Variants in KSR1 observed in about 807,000 individuals in gnomAD.
The protein encoded by KSR1 is kinase suppressor of ras.
In KSR1, 35 loss-of-function variants were observed where a neutral mutation model predicts 92.9. The observed-to-expected ratio is 0.38, with a 90% CI of 0.29 to 0.50. The LOEUF (loss-of-function observed/expected upper bound fraction) is 0.50. KSR1 is among the 20% of genes least tolerant of loss of function. The pLI, the probability that KSR1 is intolerant of heterozygous loss-of-function variation, is 0.94. For synonymous variants in KSR1, 467 were observed against 472.6 expected (o/e 0.99, Z 0.15); for missense variants, 972 against 1,158.5 (o/e 0.84, Z 2.34).
intron 1 of KSR1, among the ~76,000 whole-genome samples, chr17:27,495,927 T>A (rs1279120097): frequency 2.6e-5 from 4 of 152,228 alleles, no homozygotes; most frequent in Non-Finnish European, 5.9e-5. Context: ...TGGAAAGTGC[T>A]TCCTTCCAAG....
At chr17:27,498,116 G>A (rs1262403344) in intron 1 of KSR1, among the ~76,000 whole-genome samples, 3 of 152,142 alleles carry the variant, frequency 2.0e-5, no homozygotes, top group Admixed American at 2.0e-4. Flanking sequence ...GATCACTTGA[G>A]GTCAGGAGTT....
intron 1 of KSR1, among the ~76,000 whole-genome samples, chr17:27,536,552 T>C (rs1424011512): frequency 6.6e-6 from 1 of 152,200 alleles, no homozygotes; most frequent in African/African-American, 2.4e-5. Flanking sequence ...TGAGGATCGT[T>C]CAGAAATGCA....
intron 1 of KSR1, among the ~76,000 whole-genome samples, chr17:27,512,417 G>T (rs1184152327): frequency 6.6e-6 from 1 of 152,150 alleles, no homozygotes; most frequent in Non-Finnish European, 1.5e-5. Context: ...TAGGATTCAG[G>T]TTCAATCAAG....
chr17:27,527,105 C>A, intron 1 of KSR1: 1 of 382,094 alleles, frequency 2.6e-6, no homozygotes, highest in South Asian at 2.9e-5. Flanking sequence ...GGCAATAGTT[C>A]ACACATCACT....
chr17:27,535,109 T>A (rs1412732550), intron 1 of KSR1, among the ~76,000 whole-genome samples: 1 of 152,032 alleles, frequency 6.6e-6, no homozygotes, highest in African/African-American at 2.4e-5. Flanking sequence ...CAGGGGTGCT[T>A]GGTTTTAATC....
At chr17:27,550,427 T>C in intron 1 of KSR1, 141 bp from the exon 2 acceptor site, 1 of 671,836 alleles carries the variant, frequency 1.5e-6, no homozygotes, top group Non-Finnish European at 2.7e-6. Flanking sequence ...TCCCCTCCCC[T>C]GCAAACAGCA....
chr17:27,617,456 G>A, intron 19 of KSR1, 28 bp downstream of exon 19: 1 of 1,587,872 alleles, frequency 6.3e-7, no homozygotes, highest in African/African-American at 1.3e-5. Flanking sequence ...GAGCCAGACT[G>A]CCAGCCAGGC....
At chr17:27,568,160 A>G (rs1226506239) in intron 2 of KSR1, among the ~76,000 whole-genome samples, 1 of 152,224 alleles carries the variant, frequency 6.6e-6, no homozygotes, top group Admixed American at 6.5e-5. Flanking sequence ...GGAGCTCCTG[A>G]GACACCTGTC....
chr17:27,535,963 G>C (rs2070737413), intron 1 of KSR1, among the ~76,000 whole-genome samples: 1 of 152,190 alleles, frequency 6.6e-6, no homozygotes, highest in Non-Finnish European at 1.5e-5. Flanking sequence ...GGGCCCTGTG[G>C]GGTCTGGCCA....
chr17:27,486,367 A>C (rs1310861768), intron 1 of KSR1, among the ~76,000 whole-genome samples: 2 of 152,208 alleles, frequency 1.3e-5, no homozygotes, highest in African/African-American at 4.8e-5. Context: ...TGAAGGCATC[A>C]GGGTAAGTGC....
At chr17:27,550,189 G>A (rs973753800) in intron 1 of KSR1, among the ~76,000 whole-genome samples, 5 of 152,184 alleles carry the variant, frequency 3.3e-5, no homozygotes, top group Non-Finnish European at 5.9e-5. Flanking sequence ...ACAGGCATGC[G>A]CCACCATGCT....
In KSR1 at chr17:27,559,683, A is replaced by T. The variant is rs1208685174; in HGVS notation, c.372+8975A>T. 6.6e-6 allele frequency among the ~76,000 whole-genome samples: 1 copy of T among 152,214 alleles called. No homozygotes were observed. The highest frequency in any genetic ancestry group is 2.4e-5 in the African/African-American group (1 of 41,464). On this transcript the variant is annotated intron_variant, in intron 2 of 20. Transcript: ENST00000644974. The surrounding 1 kb of genome is among the most constrained non-coding windows in gnomAD (Gnocchi z 4.2). ...CCCCAGATGCCCTGATGGCTCCGGGATGGGATCTGTTGGAGCCAGTGGGCC... is the reference window on the plus strand; with the variant it reads ...CCCCAGATGCCCTGATGGCTCCGGGTTGGGATCTGTTGGAGCCAGTGGGCC...
intron 1 of KSR1, chr17:27,526,350 A>G: frequency 1.5e-6 from 2 of 1,365,486 alleles, no homozygotes; most frequent in Non-Finnish European, 2.0e-6. Context: ...ATTCTTTGCC[A>G]ACACAATTAA....
Position 27,610,090 on chromosome 17 carries a change from C to T in KSR1, c.2249C>T (p.Ser750Phe), listed in dbSNP as rs778950534. 2 of 1,613,896 alleles carry T rather than the reference C, an allele frequency of 1.2e-6. No individual in the cohort carries two copies. The highest frequency in any genetic ancestry group is 1.3e-5 in the African/African-American group (1 of 74,948). The change falls in exon 17 of 21, where the codon TCC becomes TTC. Residue 750 changes from serine to phenylalanine, a missense_variant. By Grantham distance (155) the Ser-to-Phe change is radical. Transcript: ENST00000644974. ...EGRRENQLKLSHDWLCYLAPE... is the reference protein window; with the variant it reads ...EGRRENQLKLFHDWLCYLAPE... ...AGGCGTGAGAACCAGCTAAAGCTGT[C>T]CCACGACTGGCTGTGCTATCTGGCC...
intron 4 of KSR1, among the ~76,000 whole-genome samples, chr17:27,584,640 G>T (rs1057152468): frequency 6.6e-5 from 10 of 152,214 alleles, no homozygotes; most frequent in African/African-American, 2.4e-4. Flanking sequence ...GCTTCAGGCA[G>T]ATGACACAAC....
At chr17:27,565,584 G>A (rs2072030519) in intron 2 of KSR1, among the ~76,000 whole-genome samples, 1 of 152,112 alleles carries the variant, frequency 6.6e-6, no homozygotes, top group Admixed American at 6.5e-5. Flanking sequence ...CACCACAGCA[G>A]GCTAATTTTT....
chr17:27,513,976 T>G (rs1261656476), intron 1 of KSR1, among the ~76,000 whole-genome samples: 1 of 152,256 alleles, frequency 6.6e-6, no homozygotes, highest in East Asian at 1.9e-4. Flanking sequence ...AGGCTGAGGC[T>G]TCAGCCGAGT....
chr17:27,519,339 GA>G (rs2069926970), intron 1 of KSR1, among the ~76,000 whole-genome samples: 1 of 152,182 alleles, frequency 6.6e-6, no homozygotes, highest in Non-Finnish European at 1.5e-5. Flanking sequence ...CATGGAGGTT[GA>G]ATCAACTGCT....
intron 3 of KSR1, among the ~76,000 whole-genome samples, chr17:27,581,880 G>C (rs376140303): frequency 6.6e-6 from 1 of 152,194 alleles, no homozygotes; most frequent in African/African-American, 2.4e-5. Flanking sequence ...ACAGTCACTC[G>C]AAGGCTGGTG....
Sources: gnomAD v4.1 joint callset for allele counts (sites outside exome capture counted in the v4.1 genomes callset) on GRCh38, gnomAD v4.1.1 for gene constraint, Gnocchi (gnomAD v3.1) non-coding constraint, MANE v1.5 for transcripts, NCBI Gene and HGNC (gene_info 2026-07-23, HGNC 2026-07-21) for gene names.